The following NANOGNB variants were observed in gnomAD, a reference collection of about 807,000 sequenced individuals.
NANOGNB encodes the protein homeobox C14.
NANOGNB carries 30 observed loss-of-function variants against 25.0 expected under a neutral mutation model. The observed-to-expected ratio is 1.20, with a 90% CI of 0.90 to 1.63. NANOGNB has a LOEUF of 1.63. NANOGNB is among the 40% of genes most tolerant of loss of function. The pLI is 0.00. For synonymous variants in NANOGNB, 84 were observed against 62.1 expected (o/e 1.35, Z -1.66); for missense variants, 200 against 188.1 (o/e 1.06, Z -0.37).
chr12:7,765,785 T>C (rs1175041591), intron 1 of NANOGNB, among the ~76,000 whole-genome samples: 1 of 151,892 alleles, frequency 6.6e-6, no homozygotes, highest in Admixed American at 6.6e-5. Flanking sequence ...AGCCATAAAC[T>C]GAGTTTGGGA....
At chr12:7,771,101 G>T (rs1471799550) in intron 3 of NANOGNB, among the ~76,000 whole-genome samples, 2 of 152,222 alleles carry the variant, frequency 1.3e-5, no homozygotes, top group Non-Finnish European at 2.9e-5. Context: ...TGATAATTTT[G>T]TCCTGTTTGT....
In NANOGNB at chr12:7,766,903, C is replaced by T. The variant is rs779056366; in HGVS notation, c.102+1516C>T. Among the ~76,000 whole-genome samples, 12 of 152,282 alleles carry T rather than the reference C, an allele frequency of 7.9e-5. No individual in the cohort carries two copies. In the South Asian group the frequency reaches 1.2e-3, roughly 16 times the overall value. The stretch of plus-strand genomic sequence containing the variant: ...TTGCCCAGGCTGGAGCACAGTGGGG[C>T]GATCTCAGCTCACTGCAATCTTTGC... On this transcript the variant is annotated intron_variant, in intron 1 of 3. Transcript: ENST00000382119.
At chr12:7,768,276 A>G (rs1865262583) in intron 1 of NANOGNB, among the ~76,000 whole-genome samples, 1 of 152,094 alleles carries the variant, frequency 6.6e-6, no homozygotes, top group African/African-American at 2.4e-5. Context: ...ATATTTCTAG[A>G]ATAAATCCTA....
intron 1 of NANOGNB, among the ~76,000 whole-genome samples, chr12:7,765,737 G>A (rs1296605069): frequency 6.6e-6 from 1 of 152,138 alleles, no homozygotes; most frequent in Admixed American, 6.6e-5. Flanking sequence ...GCTTTACTAA[G>A]ATAGAGAGGC....
At chr12:7,772,892 C>T (rs769322098) in intron 3 of NANOGNB, among the ~76,000 whole-genome samples, 2 of 152,116 alleles carry the variant, frequency 1.3e-5, no homozygotes, top group Admixed American at 1.3e-4. Context: ...TCTTTTACCT[C>T]TTGGTAAGGA....
Position 7,773,809 on chromosome 12 carries a change from T to C in NANOGNB, c.525T>C (p.Ser175=), listed in dbSNP as rs991494441. 43 of 637,956 alleles carry C rather than the reference T, an allele frequency of 6.7e-5. No homozygotes were observed. Among genetic ancestry groups the C allele is most frequent in the Non-Finnish European group, 1.1e-4 (40 of 361,824 alleles). The allele number at this position is 637,956 out of a possible 1,614,324, so 39.5% of individuals were successfully genotyped here. Residue 175 remains serine, a synonymous_variant, in exon 4 of 4, where the codon TCT becomes TCC. Coordinates refer to ENST00000382119, the MANE Select transcript of NANOGNB (RefSeq NM_001145465.1). ...KHKKKHMRWR[S]LCCQGWSRTP... is the part of the protein sequence containing the mutation. ...TTTTTTTTTTAAACAGATGGAGATC[T>C]CTGTGTTGCCAAGGCTGGTCTCGAA...
At chr12:7,773,112 C>T (rs1378200605) in intron 3 of NANOGNB, among the ~76,000 whole-genome samples, 1 of 136,640 alleles carries the variant, frequency 7.3e-6, no homozygotes, top group Non-Finnish European at 1.5e-5. Flanking sequence ...TAAAATCCAA[C>T]TGTGATAGTT....
chr12:7,771,362 A>C (rs1339349346), intron 3 of NANOGNB, among the ~76,000 whole-genome samples: 1 of 151,868 alleles, frequency 6.6e-6, no homozygotes, highest in African/African-American at 2.4e-5. Flanking sequence ...CTGGGACTAC[A>C]GGCACCCACC....
chr12:7,771,809 C>A (rs1168416559), intron 3 of NANOGNB, among the ~76,000 whole-genome samples: 1 of 151,772 alleles, frequency 6.6e-6, no homozygotes, highest in African/African-American at 2.4e-5. Flanking sequence ...TTAGTAAAGA[C>A]CGGATTTCAC....
intron 3 of NANOGNB, among the ~76,000 whole-genome samples, chr12:7,773,430 G>A (rs1006965864): frequency 2.6e-4 from 39 of 151,312 alleles, no homozygotes; most frequent in Non-Finnish European, 4.0e-4. Flanking sequence ...GGCTGGGTGC[G>A]TGGCTCATGC....
Position 7,770,210 on chromosome 12 carries a change from C to T in NANOGNB, c.330C>T (p.Ser110=), listed in dbSNP as rs1865280019. Residue 110 remains serine, a synonymous_variant, in exon 2 of 4, where the codon AGC becomes AGT. Transcript: ENST00000382119. Reference sequence around the variant, plus strand: ...AGTATCCCGAGAAAAGATTAGTCAGCAAATCCCTCATGCATACTCTCTGGG... The same window carrying T: ...AGTATCCCGAGAAAAGATTAGTCAGTAAATCCCTCATGCATACTCTCTGGG... ...QKQYPEKRLV[S]KSLMHTLWAK... 6.4e-7 allele frequency: 1 copy of T among 1,551,910 alleles called. No homozygotes were observed. The highest frequency in any genetic ancestry group is 1.4e-5 in the African/African-American group (1 of 73,046).
intron 1 of NANOGNB, among the ~76,000 whole-genome samples, chr12:7,769,596 T>C (rs1255921480): frequency 6.6e-6 from 1 of 151,882 alleles, no homozygotes; most frequent in Non-Finnish European, 1.5e-5. Context: ...GTGCTGGGAT[T>C]ACAGGCGTGA....
At chr12:7,766,239 G>A in intron 1 of NANOGNB, 1 of 398,442 alleles carries the variant, frequency 2.5e-6, no homozygotes, top group African/African-American at 2.1e-5. Context: ...GGGAGGCCAA[G>A]CGGGGCAGAT....
At chr12:7,766,057 A>G in intron 1 of NANOGNB, 1 of 398,480 alleles carries the variant, frequency 2.5e-6, no homozygotes, top group East Asian at 3.6e-5. Context: ...GCTTTGAAAG[A>G]GCAGCCATTG....
At chr12:7,773,060 T>C (rs1460740049) in intron 3 of NANOGNB, among the ~76,000 whole-genome samples, 1 of 152,118 alleles carries the variant, frequency 6.6e-6, no homozygotes, top group East Asian at 1.9e-4. Context: ...GCTCTATCAA[T>C]TTGTTTCACA....
intron 1 of NANOGNB, among the ~76,000 whole-genome samples, chr12:7,768,826 C>G (rs1010925546): frequency 6.6e-6 from 1 of 152,120 alleles, no homozygotes; most frequent in African/African-American, 2.4e-5. Context: ...GCCACCGCGC[C>G]CGGCCGGCAT....
intron 1 of NANOGNB, chr12:7,766,041 A>C: frequency 2.5e-6 from 1 of 398,204 alleles, no homozygotes; most frequent in Non-Finnish European, 4.4e-6. Context: ...AGGAGCAACA[A>C]AGAAAGCTTT....
At chr12:7,767,378 AG>A (rs1007846186) in intron 1 of NANOGNB, among the ~76,000 whole-genome samples, 2 of 135,362 alleles carry the variant, frequency 1.5e-5, no homozygotes, top group Admixed American at 7.8e-5. Flanking sequence ...GGGTTACAAG[AG>A]GGTTTTTTTT....
intron 1 of NANOGNB, chr12:7,766,195 G>T: frequency 2.5e-6 from 1 of 398,652 alleles, no homozygotes; most frequent in Non-Finnish European, 4.4e-6. Context: ...GACAGGCCAG[G>T]CACAGTGGCT....
Sources: allele counts gnomAD v4.1 joint callset (sites outside exome capture counted in the v4.1 genomes callset), GRCh38; gene constraint gnomAD v4.1.1; transcripts MANE v1.5; gene names NCBI Gene and HGNC (gene_info 2026-07-23, HGNC 2026-07-21).